The following PTPRD variants were observed in gnomAD, a reference collection of about 807,000 sequenced individuals.
PTPRD encodes the protein receptor-type tyrosine-protein phosphatase delta.
Under a neutral mutation model 214.5 loss-of-function variants are expected in PTPRD, and 34 were observed. That is an observed-to-expected ratio of 0.16 (90% CI 0.12 to 0.21). The LOEUF (loss-of-function observed/expected upper bound fraction) is 0.21, where lower values mean the gene tolerates loss of function less well. PTPRD is among the 10% of genes least tolerant of loss of function. PTPRD has a pLI of 1.00. For synonymous variants in PTPRD, 1,128 were observed against 845.7 expected (o/e 1.33, Z -5.79); for missense variants, 2,545 against 2,398.7 (o/e 1.06, Z -1.27).
intron 3 of PTPRD, among the ~76,000 whole-genome samples, chr9:10,073,289 T>C (rs1590325765): frequency 6.6e-6 from 1 of 151,978 alleles, no homozygotes; most frequent in Non-Finnish European, 1.5e-5. Flanking sequence ...ACAATCTCAT[T>C]AAAGGGAGTA....
At chr9:9,934,897 C>G (rs1253785777) in intron 5 of PTPRD, among the ~76,000 whole-genome samples, 2 of 152,140 alleles carry the variant, frequency 1.3e-5, no homozygotes, top group East Asian at 3.9e-4. Context: ...AGGGCTTCAT[C>G]CCTGGGATGC....
At chr9:10,354,008 T>C (rs895648235) in intron 2 of PTPRD, among the ~76,000 whole-genome samples, 1 of 152,112 alleles carries the variant, frequency 6.6e-6, no homozygotes, top group African/African-American at 2.4e-5. Flanking sequence ...TGAACTTCCA[T>C]GCACTCAAAA....
chr9:9,211,414 T>C (rs1317532441), intron 9 of PTPRD, among the ~76,000 whole-genome samples: 2 of 152,080 alleles, frequency 1.3e-5, no homozygotes, highest in African/African-American at 4.8e-5. Flanking sequence ...TAGAAGAGTG[T>C]TGGGCATATT....
At chr9:8,765,735 C>G (rs752346621) in intron 11 of PTPRD, among the ~76,000 whole-genome samples, 52 of 152,302 alleles carry the variant, frequency 3.4e-4, no homozygotes, top group Non-Finnish European at 5.4e-4. Context: ...CAGTAGCTAA[C>G]TACTACAGTA....
At chr9:8,726,135 G>A (rs554950719) in intron 12 of PTPRD, among the ~76,000 whole-genome samples, 3 of 152,050 alleles carry the variant, frequency 2.0e-5, no homozygotes, top group East Asian at 3.9e-4. Context: ...TTAGGTTAAA[G>A]AATTGGTTCT....
chr9:10,163,754 T>C (rs1159573684), intron 3 of PTPRD, among the ~76,000 whole-genome samples: 6 of 151,448 alleles, frequency 4.0e-5, no homozygotes, highest in African/African-American at 1.4e-4. Flanking sequence ...TTCAAAAATA[T>C]ATTGAAAATC....
chr9:8,796,358 A>C (rs2096422166), intron 11 of PTPRD, among the ~76,000 whole-genome samples: 1 of 152,176 alleles, frequency 6.6e-6, no homozygotes, highest in African/African-American at 2.4e-5. Context: ...CCTGTGAAAC[A>C]TTTGACCTTT....
intron 3 of PTPRD, among the ~76,000 whole-genome samples, chr9:10,328,358 C>G (rs1183473170): frequency 6.6e-6 from 1 of 151,672 alleles, no homozygotes; most frequent in Admixed American, 6.6e-5. Flanking sequence ...GCACAGGAGA[C>G]TGTAAAACTG....
intron 7 of PTPRD, among the ~76,000 whole-genome samples, chr9:9,618,962 G>A (rs1482496193): frequency 2.6e-5 from 4 of 152,086 alleles, no homozygotes; most frequent in East Asian, 1.9e-4. Context: ...GGAAAAAGCA[G>A]AAGAGAGTAG....
At chr9:8,729,358 C>T (rs976270251) in intron 12 of PTPRD, among the ~76,000 whole-genome samples, 10 of 152,022 alleles carry the variant, frequency 6.6e-5, no homozygotes, top group African/African-American at 2.4e-4. Flanking sequence ...ACATATAGGA[C>T]TTTGCAGAGA....
intron 2 of PTPRD, among the ~76,000 whole-genome samples, chr9:10,515,614 C>A (rs569621009): frequency 6.6e-6 from 1 of 152,002 alleles, no homozygotes; most frequent in African/African-American, 2.4e-5. Context: ...ATAAGATCTA[C>A]CTTCTTAACA....
At chr9:9,520,808 C>T (rs1177233470) in intron 8 of PTPRD, among the ~76,000 whole-genome samples, 10 of 152,086 alleles carry the variant, frequency 6.6e-5, no homozygotes, top group Admixed American at 3.9e-4. Flanking sequence ...AAGCAGTCTA[C>T]GAGTCGTAGA....
At chr9:8,832,983 C>T (rs764155104) in intron 11 of PTPRD, among the ~76,000 whole-genome samples, 1 of 152,022 alleles carries the variant, frequency 6.6e-6, no homozygotes, top group Non-Finnish European at 1.5e-5. Context: ...ACATGAAAGA[C>T]ATTTTCTTTC....
chr9:9,065,926 A>C (rs1364614144), intron 10 of PTPRD, among the ~76,000 whole-genome samples: 1 of 152,140 alleles, frequency 6.6e-6, no homozygotes, highest in Non-Finnish European at 1.5e-5. Flanking sequence ...TCATAACTTA[A>C]TGGTAAAAAT....
chr9:10,475,519 G>C (rs1415232082), intron 2 of PTPRD, among the ~76,000 whole-genome samples: 1 of 151,922 alleles, frequency 6.6e-6, no homozygotes, highest in Non-Finnish European at 1.5e-5. Context: ...AAAAGCCCAG[G>C]ACCAGATGGA....
intron 3 of PTPRD, among the ~76,000 whole-genome samples, chr9:10,278,986 G>A (rs1194776208): frequency 2.6e-5 from 4 of 152,080 alleles, no homozygotes; most frequent in African/African-American, 7.2e-5. Flanking sequence ...GTGTTAGCCA[G>A]GATGATCTCG....
chr9:9,931,532 A>G (rs951451890), intron 5 of PTPRD, among the ~76,000 whole-genome samples: 3 of 152,180 alleles, frequency 2.0e-5, no homozygotes, highest in African/African-American at 7.2e-5. Context: ...CTTAAAAAAC[A>G]GTGCACCAGG....
chr9:9,022,068 C>G (rs1254990253), intron 10 of PTPRD, among the ~76,000 whole-genome samples: 2 of 151,764 alleles, frequency 1.3e-5, no homozygotes, highest in Non-Finnish European at 2.9e-5. Context: ...TGCAGCAGAC[C>G]ATCATGGCAC....
At chr9:10,252,931 G>A (rs1238553196) in intron 3 of PTPRD, among the ~76,000 whole-genome samples, 1 of 151,812 alleles carries the variant, frequency 6.6e-6, no homozygotes, top group Non-Finnish European at 1.5e-5. Context: ...TTACAGGTGT[G>A]CGCCACCACA....
Sources: allele counts gnomAD v4.1 joint callset (sites outside exome capture counted in the v4.1 genomes callset), GRCh38; gene constraint gnomAD v4.1.1; transcripts MANE v1.5; gene names NCBI Gene and HGNC (gene_info 2026-07-23, HGNC 2026-07-21).